The following LZTS1 variants were observed in gnomAD, a reference collection of about 807,000 sequenced individuals.
LZTS1 encodes the protein leucine zipper putative tumor suppressor 1.
In LZTS1, 31 loss-of-function variants were observed where a neutral mutation model predicts 45.8. That is an observed-to-expected ratio of 0.68 (90% CI 0.51 to 0.91). The LOEUF (loss-of-function observed/expected upper bound fraction) is 0.91. Among genes scored for constraint, LZTS1 ranks in the 40% least tolerant of loss-of-function variants. LZTS1 has a pLI of 0.00. For synonymous variants in LZTS1, 359 were observed against 357.3 expected, an observed-to-expected ratio of 1.00 and a Z score of -0.05; for missense variants, 821 against 788.9, an observed-to-expected ratio of 1.04 and a Z score of -0.49.
intron 1 of LZTS1, among the ~76,000 whole-genome samples, chr8:20,293,844 G>C (rs973823866): frequency 4.6e-5 from 7 of 152,100 alleles, no homozygotes; most frequent in Admixed American, 4.6e-4. Context: ...TGATGTGGGA[G>C]TCCAGGAGTT....
chr8:20,274,961 C>CTCTGTGTGTGTGTGTGTGTGTGTGTGTG (rs1457995042), intron 1 of LZTS1, among the ~76,000 whole-genome samples: 1 of 125,628 alleles, frequency 8.0e-6, no homozygotes, highest in African/African-American at 2.7e-5. Context: ...TGCCATGATA[C>CTCTGTGTGTGTGTGTGTGTGTGTGTGTG]TGTGTGTGTG....
intron 1 of LZTS1, among the ~76,000 whole-genome samples, chr8:20,274,755 T>G (rs1389895295): frequency 6.6e-6 from 1 of 152,220 alleles, no homozygotes; most frequent in Non-Finnish European, 1.5e-5. Context: ...TGGGAATTTC[T>G]GGGATGTGGG....
At chr8:20,255,662 C>T (rs981493983) in intron 1 of LZTS1, among the ~76,000 whole-genome samples, 1 of 151,632 alleles carries the variant, frequency 6.6e-6, no homozygotes, top group Non-Finnish European at 1.5e-5. Flanking sequence ...ACCAGTGCTG[C>T]GGGTACCAGT....
chr8:20,249,904 C>T lies in LZTS1; in HGVS notation c.1609G>A (p.Glu537Lys), dbSNP rs1563847524. The change falls in exon 4 of 4, where the codon GAG becomes AAG. Residue 537 changes from glutamate (E) to lysine (K), a missense_variant. Transcript: ENST00000381569. ...TGTTTCTGGTACTGAATCACCTTCT[C>T]CTTCTCCTCCTTCCACACGAGCCGC... is the stretch of plus-strand genomic sequence containing the variant. Reference protein sequence around the residue: ...HERLVWKEEKEKVIQYQKQLQ... With the variant: ...HERLVWKEEKKKVIQYQKQLQ... 4 of 1,614,198 alleles carry T rather than the reference C, an allele frequency of 2.5e-6. No individual in the cohort carries two copies. The highest frequency in any genetic ancestry group is 3.4e-6 in the Non-Finnish European group (4 of 1,180,030).
intron 1 of LZTS1, among the ~76,000 whole-genome samples, chr8:20,294,521 C>A (rs1800950115): frequency 6.6e-6 from 1 of 152,170 alleles, no homozygotes; most frequent in Non-Finnish European, 1.5e-5. Context: ...TGGCTCCTCT[C>A]ATTTTCCCCA....
chr8:20,260,834 C>T (rs1247048181), intron 1 of LZTS1, among the ~76,000 whole-genome samples: 4 of 152,120 alleles, frequency 2.6e-5, no homozygotes, highest in South Asian at 2.1e-4. Flanking sequence ...CCCTTAGCCC[C>T]GATACCCAGC....
chr8:20,288,440 T>G lies in LZTS1; in HGVS notation c.-135+15300A>C, dbSNP rs548714077. On this transcript the variant is annotated intron_variant, in intron 1 of 3. Transcript: ENST00000381569. ...AGGGCGGGGAGGACACAGCTTCCTC[T>G]TGGGCTTCCATTCACTGCATGTGTC... Among the ~76,000 whole-genome samples the G allele has an allele frequency of 7.9e-5, 12 of 152,284 alleles. No individual in the cohort carries two copies. In the South Asian group the frequency reaches 2.5e-3, roughly 32 times the overall value.
intron 1 of LZTS1, among the ~76,000 whole-genome samples, chr8:20,275,404 CAAAAAAA>C (rs55847914): frequency 8.8e-6 from 1 of 113,616 alleles, no homozygotes; most frequent in Non-Finnish European, 1.8e-5. Flanking sequence ...GACTTCATCT[CAAAAAAA>C]AAAAAAAAAA....
chr8:20,270,829 G>C (rs1042082971), intron 1 of LZTS1, among the ~76,000 whole-genome samples: 1 of 151,580 alleles, frequency 6.6e-6, no homozygotes, highest in Admixed American at 6.6e-5. Flanking sequence ...GTGTGTGTGT[G>C]TGTTTGTGTG....
At chr8:20,285,512 A>G (rs1800777814) in intron 1 of LZTS1, among the ~76,000 whole-genome samples, 1 of 152,252 alleles carries the variant, frequency 6.6e-6, no homozygotes, top group South Asian at 2.1e-4. Context: ...GGGAATGAAT[A>G]TAACCGAAGT....
Position 20,280,324 on chromosome 8 carries a change from G to A in LZTS1, c.-135+23416C>T, listed in dbSNP as rs114522480. 4.6e-4 allele frequency among the ~76,000 whole-genome samples: 70 copies of A among 152,298 alleles called. 1 individual carries two copies. The highest frequency in any genetic ancestry group is 7.9e-4 in the Non-Finnish European group (54 of 68,030). On this transcript the variant is annotated intron_variant, in intron 1 of 3. Transcript: ENST00000381569. Reference sequence around the variant, plus strand: ...TTCCCGCAGCCTGGCTTTGTCAGGCGTAACAGTCCTCTCTCATTCTCTGGA... The same window carrying A: ...TTCCCGCAGCCTGGCTTTGTCAGGCATAACAGTCCTCTCTCATTCTCTGGA...
chr8:20,259,214 G>C (rs1233210116), intron 1 of LZTS1, among the ~76,000 whole-genome samples: 1 of 152,098 alleles, frequency 6.6e-6, no homozygotes, highest in African/African-American at 2.4e-5. Flanking sequence ...TCTCTCTGAG[G>C]TTTCTTCATT....
At chr8:20,288,455 C>G (rs1554555206) in intron 1 of LZTS1, among the ~76,000 whole-genome samples, 2 of 152,310 alleles carry the variant, frequency 1.3e-5, no homozygotes. Flanking sequence ...CTTCCATTCA[C>G]TGCATGTGTC....
chr8:20,298,653 A>G (rs1224709594), intron 1 of LZTS1, among the ~76,000 whole-genome samples: 1 of 152,160 alleles, frequency 6.6e-6, no homozygotes, highest in Non-Finnish European at 1.5e-5. Context: ...ACTTGAGGCC[A>G]GGGGTTCAAG....
chr8:20,274,574 C>T (rs116662064), intron 1 of LZTS1, among the ~76,000 whole-genome samples: 1,813 of 152,266 alleles, frequency 0.012, 46 homozygotes, highest in African/African-American at 0.042. Flanking sequence ...GTGTTAGACC[C>T]CCCTTATGTG....
intron 1 of LZTS1, among the ~76,000 whole-genome samples, chr8:20,259,639 G>T (rs947485707): frequency 1.3e-5 from 2 of 152,114 alleles, no homozygotes; most frequent in African/African-American, 4.8e-5. Flanking sequence ...TTTCCTGGTG[G>T]GTGAACATAC....
At chr8:20,301,341 A>T (rs1585307806) in intron 1 of LZTS1, among the ~76,000 whole-genome samples, 1 of 152,114 alleles carries the variant, frequency 6.6e-6, no homozygotes, top group East Asian at 1.9e-4. Context: ...TCATCTAATA[A>T]TTATACATAC....
At chr8:20,263,542 T>A (rs891983294) in intron 1 of LZTS1, among the ~76,000 whole-genome samples, 1 of 152,048 alleles carries the variant, frequency 6.6e-6, no homozygotes, top group Non-Finnish European at 1.5e-5. Context: ...AATAACGTGG[T>A]CTTGGATTAC....
At chr8:20,271,348 C>A (rs1428017521) in intron 1 of LZTS1, among the ~76,000 whole-genome samples, 2 of 152,138 alleles carry the variant, frequency 1.3e-5, no homozygotes, top group South Asian at 2.1e-4. Flanking sequence ...CTGTGGACCC[C>A]ACAGCCCCTG....
Sources: gnomAD v4.1 joint callset for allele counts (sites outside exome capture counted in the v4.1 genomes callset) on GRCh38, gnomAD v4.1.1 for gene constraint, MANE v1.5 for transcripts, NCBI Gene and HGNC (gene_info 2026-07-23, HGNC 2026-07-21) for gene names.